The following CNGA3 variants were observed in gnomAD, a reference collection of about 807,000 sequenced individuals.
The protein encoded by CNGA3 is cyclic nucleotide gated channel subunit alpha 3.
CNGA3 carries 42 observed loss-of-function variants against 46.6 expected under a neutral mutation model. That is an observed-to-expected ratio of 0.90 (90% CI 0.70 to 1.17). The LOEUF is 1.17. CNGA3 is among the 50% of genes most tolerant of loss of function. The pLI, the probability that CNGA3 is intolerant of heterozygous loss-of-function variation, is 0.00. For missense variants in CNGA3, 893 were observed against 890.7 expected (o/e 1.00, Z -0.03); for synonymous variants, 394 against 369.4 (o/e 1.07, Z -0.76).
rs543175270 is a variant in CNGA3 at position 98,389,772 on chromosome 2, C to T, written c.564C>T (p.Cys188=). The change falls in exon 6 of 8, where the codon TGC becomes TGT. Residue 188 remains cysteine, a splice_region_variant and synonymous_variant. Coordinates refer to ENST00000272602, the MANE Select transcript of CNGA3 (RefSeq NM_001298.3). ...PVFYNWYLLI[C]RACFDELQSE... is the part of the protein sequence containing the mutation. ...TCTATAACTGGTATCTGCTTATTTG[C>T]AGGTAAGCGACAGGGGTGGAAGGTG... 1 of 1,611,802 alleles carries T rather than the reference C, an allele frequency of 6.2e-7. No homozygotes were observed. The highest frequency in any genetic ancestry group is 2.2e-5 in the East Asian group (1 of 44,876).
chr2:98,390,032 A>T (rs912300496), intron 6 of CNGA3, among the ~76,000 whole-genome samples: 5 of 152,112 alleles, frequency 3.3e-5, no homozygotes, highest in African/African-American at 2.4e-5. Flanking sequence ...CCCTCAAGTG[A>T]GTTGTACGAG....
intron 1 of CNGA3, among the ~76,000 whole-genome samples, chr2:98,354,846 A>G (rs763197946): frequency 2.0e-5 from 3 of 152,208 alleles, no homozygotes; most frequent in African/African-American, 4.8e-5. Flanking sequence ...TACTTTGTTG[A>G]TGGCATACTT....
intron 6 of CNGA3, among the ~76,000 whole-genome samples, chr2:98,391,614 G>A (rs954125948): frequency 1.3e-5 from 2 of 152,206 alleles, no homozygotes; most frequent in African/African-American, 4.8e-5. Flanking sequence ...TCTGCTGAGA[G>A]GCAATGGGGC....
chr2:98,385,985 A>G (rs4851130), intron 5 of CNGA3, among the ~76,000 whole-genome samples: 9,920 of 152,294 alleles, frequency 0.065, 506 homozygotes, highest in Admixed American at 0.17. Flanking sequence ...CACAGATTCA[A>G]ACCACATAAG....
chr2:98,358,661 A>G (rs573805006), intron 1 of CNGA3, among the ~76,000 whole-genome samples: 5 of 152,314 alleles, frequency 3.3e-5, no homozygotes, highest in African/African-American at 1.2e-4. Context: ...ATAACAACCA[A>G]TCAACAAGAT....
chr2:98,380,157 G>C lies in CNGA3; in HGVS notation c.216-18G>C, dbSNP rs779105388. ...GCTTTTCCTCTCCCTCTGGCTCAGTGCTTGTGTCACCTTCCAGGCTGTCGC... is the reference window on the plus strand; with the variant it reads ...GCTTTTCCTCTCCCTCTGGCTCAGTCCTTGTGTCACCTTCCAGGCTGTCGC... On this transcript the variant is annotated intron_variant, in intron 3 of 7. Transcript: ENST00000272602. 1 of 1,613,812 alleles carries C rather than the reference G, an allele frequency of 6.2e-7. No homozygotes were observed. Among genetic ancestry groups the C allele is most frequent in the South Asian group, 1.1e-5 (1 of 91,062 alleles).
At chr2:98,350,991 G>C (rs1278473872) in intron 1 of CNGA3, 1 of 152,234 alleles carries the variant, frequency 6.6e-6, no homozygotes, top group East Asian at 1.9e-4. Flanking sequence ...ATAGAGAGGA[G>C]GAATTGGATT....
intron 3 of CNGA3, chr2:98,378,320 C>T (rs1401087947): frequency 9.3e-6 from 11 of 1,188,918 alleles, no homozygotes; most frequent in Middle Eastern, 2.9e-4. Flanking sequence ...AACAGCTGCT[C>T]CATCCTGAGG....
chr2:98,351,872 C>A (rs1691777160), intron 1 of CNGA3, among the ~76,000 whole-genome samples: 1 of 152,110 alleles, frequency 6.6e-6, no homozygotes, highest in Admixed American at 6.5e-5. Context: ...AATTTTCATG[C>A]CACAAATGTC....
At chr2:98,377,397 C>T (rs1484839587) in intron 2 of CNGA3, 1 of 381,492 alleles carries the variant, frequency 2.6e-6, no homozygotes, top group East Asian at 5.2e-5. Flanking sequence ...GGACCTCTCC[C>T]CACCCAGTGC....
Position 98,395,946 on chromosome 2 carries a change from C to G in CNGA3, c.776C>G (p.Thr259Ser). The G allele has an allele frequency of 6.2e-7, 1 of 1,614,184 alleles. No homozygotes were observed. Among genetic ancestry groups the G allele is most frequent in the Non-Finnish European group, 8.5e-7 (1 of 1,180,028 alleles). ...FKLDVLSLVP[T>S]DLAYLKVGTN... ...CTGGATGTGTTGTCCCTGGTCCCCA[C>G]CGACCTGGCTTACTTAAAGGTGGGC... The change falls in exon 8 of 8, where the codon ACC (threonine) becomes AGC (serine). Residue 259 changes from threonine (T) to serine (S), a missense_variant. Physicochemically the swap from Thr to Ser is moderately conservative, Grantham distance 58. Coordinates refer to ENST00000272602, the MANE Select transcript of CNGA3 (RefSeq NM_001298.3).
chr2:98,352,274 A>G (rs992794112), intron 1 of CNGA3, among the ~76,000 whole-genome samples: 1 of 152,210 alleles, frequency 6.6e-6, no homozygotes, highest in African/African-American at 2.4e-5. Flanking sequence ...TTATCCATTT[A>G]TCGGTGGATA....
intron 1 of CNGA3, among the ~76,000 whole-genome samples, chr2:98,364,987 G>C (rs1692112961): frequency 6.6e-6 from 1 of 151,998 alleles, no homozygotes; most frequent in South Asian, 2.1e-4. Flanking sequence ...TCCACTGTTA[G>C]TCTGATGGGC....
chr2:98,349,093 G>A (rs1691713657), intron 1 of CNGA3, among the ~76,000 whole-genome samples: 1 of 152,204 alleles, frequency 6.6e-6, no homozygotes, highest in South Asian at 2.1e-4. Context: ...TATCTTGGTG[G>A]CTTCTCCCTT....
At chr2:98,363,596 C>T (rs1385592724) in intron 1 of CNGA3, among the ~76,000 whole-genome samples, 1 of 152,158 alleles carries the variant, frequency 6.6e-6, no homozygotes, top group Non-Finnish European at 1.5e-5. Flanking sequence ...TGTCAGTTTT[C>T]AAGGGGAATG....
chr2:98,361,704 CTTTT>C lies in CNGA3; in HGVS notation c.-37-8217_-37-8214del, dbSNP rs1230449113. Among the ~76,000 whole-genome samples, 841 of 108,874 alleles carry C rather than the reference CTTTT, an allele frequency of 7.7e-3. 6 individuals carry two copies. The highest frequency in any genetic ancestry group is 0.028 in the African/African-American group (801 of 28,494). The allele number at this position is 108,874 out of a possible 152,430, so 71.4% of individuals were successfully genotyped here. A position where few individuals can be genotyped will look rare whatever the true frequency, so the allele number is the denominator to read the frequency against. ...CCACAAGCAACTGTCCTTTTCTTGA[CTTTT>C]TTTTTTTTTTTTTTTTTGAGACAGA... On this transcript the variant is annotated intron_variant, in intron 1 of 7. Transcript: ENST00000272602.
rs554946462 is a variant in CNGA3 at position 98,382,190 on chromosome 2, C to A, written c.396-1198C>A. 4.6e-5 allele frequency among the ~76,000 whole-genome samples: 7 copies of A among 152,258 alleles called. No individual in the cohort carries two copies. In the South Asian group the frequency reaches 1.2e-3, roughly 27 times the overall value. ...TAGTGTTGGTCAATCAGCAAGTCTT[C>A]CTGGGGGTGAGGATTTTGAATTTTT... On this transcript the variant is annotated intron_variant, in intron 4 of 7. Coordinates refer to ENST00000272602, the MANE Select transcript of CNGA3 (RefSeq NM_001298.3).
At position 98,377,751 on chromosome 2, in the gene CNGA3, G is replaced by A. The variant is rs1293878574; in HGVS notation, c.166G>A (p.Gly56Arg). The change falls in exon 3 of 8, where the codon GGA (glycine) becomes AGA (arginine). Residue 56 changes from glycine (G) to arginine (R), a missense_variant. Gly to Arg is a moderately radical substitution (Grantham distance 125). Coordinates refer to ENST00000272602, the MANE Select transcript of CNGA3 (RefSeq NM_001298.3). ...LQPGIAMETR[G>R]LADSGQGSFT... is the part of the protein sequence containing the mutation. ...GCCGGGGATCGCCATGGAGACCAGA[G>A]GACTGGCTGACTCCGGGCAGGGCTC... 6.2e-7 allele frequency: 1 copy of A among 1,613,046 alleles called. No homozygotes were observed. Among genetic ancestry groups the A allele is most frequent in the Non-Finnish European group, 8.5e-7 (1 of 1,180,028 alleles).
At chr2:98,382,899 G>C (rs1308697994) in intron 4 of CNGA3, among the ~76,000 whole-genome samples, 1 of 152,196 alleles carries the variant, frequency 6.6e-6, no homozygotes, top group Non-Finnish European at 1.5e-5. Flanking sequence ...CTGCTAATTG[G>C]AAGAGGCCTT....
Sources: gnomAD v4.1 joint callset for allele counts (sites outside exome capture counted in the v4.1 genomes callset) on GRCh38, gnomAD v4.1.1 for gene constraint, MANE v1.5 for transcripts, NCBI Gene and HGNC (gene_info 2026-07-23, HGNC 2026-07-21) for gene names.